Variants in DNAH7 observed in about 807,000 individuals in gnomAD.
DNAH7 encodes the protein dynein axonemal heavy chain 7, also known as axonemal beta dynein heavy chain 7.
In DNAH7, 397 loss-of-function variants were observed where a neutral mutation model predicts 444.6. The ratio of observed to expected loss-of-function variants is 0.89; its 90% CI spans 0.82 to 0.97. DNAH7 has a LOEUF of 0.97. DNAH7 is among the 50% of genes least tolerant of loss of function. The probability of loss-of-function intolerance (pLI) is 0.00; values close to 1 mark genes in which losing one functional copy is unlikely to be tolerated. For synonymous variants in DNAH7, 1,636 were observed against 1,624.4 expected, an observed-to-expected ratio of 1.01 and a Z score of -0.17; for missense variants, 4,902 against 4,800.8, an observed-to-expected ratio of 1.02 and a Z score of -0.62.
At chr2:195,813,935 A>C (rs1264007884) in intron 51 of DNAH7, among the ~76,000 whole-genome samples, 1 of 152,232 alleles carries the variant, frequency 6.6e-6, no homozygotes, top group Non-Finnish European at 1.5e-5. Flanking sequence ...CGTTGAGTGC[A>C]AGATATCAGA....
chr2:195,982,644 T>C (rs138615928), intron 15 of DNAH7, among the ~76,000 whole-genome samples: 3 of 152,296 alleles, frequency 2.0e-5, no homozygotes, highest in African/African-American at 4.8e-5. Context: ...TATTCAGTTA[T>C]AAAAAAGAAT....
intron 8 of DNAH7, among the ~76,000 whole-genome samples, chr2:196,022,524 T>G (rs964353901): frequency 6.6e-6 from 1 of 152,222 alleles, no homozygotes; most frequent in Non-Finnish European, 1.5e-5. Flanking sequence ...GAAACCACTG[T>G]TTTTGCTCAT....
At chr2:196,052,661 G>A (rs1320564889) in intron 2 of DNAH7, among the ~76,000 whole-genome samples, 1 of 152,188 alleles carries the variant, frequency 6.6e-6, no homozygotes, top group African/African-American at 2.4e-5. Context: ...AAAGCACACA[G>A]TCCAGTTAAT....
At chr2:196,025,781 T>A (rs1695647205) in intron 7 of DNAH7, among the ~76,000 whole-genome samples, 1 of 152,132 alleles carries the variant, frequency 6.6e-6, no homozygotes, top group Admixed American at 6.6e-5. Flanking sequence ...TATTTTTATA[T>A]CACCAGGATA....
intron 24 of DNAH7, among the ~76,000 whole-genome samples, chr2:195,910,887 T>C (rs341955): frequency 1 from 152,296 of 152,346 alleles, 76,123 homozygotes; most frequent in Non-Finnish European, 1. Context: ...TTGTATCATT[T>C]GTGCAGGGAA....
Position 195,857,407 on chromosome 2 carries a change from T to A in DNAH7, c.8384A>T (p.Lys2795Ile). ...NASTAAEGLC[K>I]WVIAMDSYDK... ...ATATGAATCCATTGCTATGACCCAT[T>A]TGCACAGACCTTCGGCCGCTGTAGA... is the stretch of plus-strand genomic sequence containing the variant. Residue 2795 changes from lysine (K) to isoleucine (I), a missense_variant, in exon 44 of 65, where the codon AAA (lysine) becomes ATA (isoleucine). By Grantham distance (102) the Lys-to-Ile change is moderately radical (BLOSUM62 -3). Coordinates refer to ENST00000312428, the MANE Select transcript of DNAH7 (RefSeq NM_018897.3). 6.2e-7 allele frequency: 1 copy of A among 1,602,938 alleles called. No homozygotes were observed. The highest frequency in any genetic ancestry group is 8.5e-7 in the Non-Finnish European group (1 of 1,175,984).
intron 49 of DNAH7, among the ~76,000 whole-genome samples, chr2:195,821,640 AG>A (rs957723470): frequency 5.5e-4 from 84 of 152,322 alleles, no homozygotes; most frequent in African/African-American, 2.0e-3. Flanking sequence ...ACCGAAGAGC[AG>A]AACGTATGGT....
rs1281143069 is a variant in DNAH7 at position 196,033,914 on chromosome 2, T to C, written c.399-5867A>G. On this transcript the variant is annotated intron_variant, in intron 5 of 64. Transcript: ENST00000312428. ...CTAATTTACATTCTCATCAACACTGTACAAAGGTTCCTTTTCTCCACAAAG... is the reference window on the plus strand; with the variant it reads ...CTAATTTACATTCTCATCAACACTGCACAAAGGTTCCTTTTCTCCACAAAG... 1.3e-5 allele frequency among the ~76,000 whole-genome samples: 2 copies of C among 152,220 alleles called. 1 individual carries two copies. The highest frequency in any genetic ancestry group is 4.8e-5 in the African/African-American group (2 of 41,458).
rs1337800716 is a variant in DNAH7, at chr2:195,871,804, G to A, written c.6633+446C>T. 2.5e-4 allele frequency among the ~76,000 whole-genome samples: 23 copies of A among 91,738 alleles called. 8 individuals carry two copies. The highest frequency in any genetic ancestry group is 1.7e-3 in the African/African-American group (17 of 9,764). The allele number at this position is 91,738 out of a possible 152,430, so 60.2% of individuals were successfully genotyped here. On this transcript the variant is annotated intron_variant, in intron 40 of 64. Transcript: ENST00000312428. ...AAATTAGCCGGGCGTAGTGGCGGGCGCCTGTAGTCCCAGCTACTTGGGAGG... is the reference window on the plus strand; with the variant it reads ...AAATTAGCCGGGCGTAGTGGCGGGCACCTGTAGTCCCAGCTACTTGGGAGG...
intron 48 of DNAH7, among the ~76,000 whole-genome samples, chr2:195,831,144 A>G (rs1200777769): frequency 6.6e-6 from 1 of 152,230 alleles, no homozygotes; most frequent in East Asian, 1.9e-4. Flanking sequence ...TCATTAAAAT[A>G]TCTTCTCTAC....
intron 15 of DNAH7, among the ~76,000 whole-genome samples, chr2:195,976,042 G>A (rs1256186503): frequency 6.6e-6 from 1 of 152,216 alleles, no homozygotes; most frequent in Non-Finnish European, 1.5e-5. Flanking sequence ...GCAGAGGGAA[G>A]AGTAAAGAGG....
rs1491331596 is a variant in DNAH7 at position 195,852,890 on chromosome 2, GTA to G, written c.8781+451_8781+452del. On this transcript the variant is annotated intron_variant, in intron 46 of 64. Coordinates refer to ENST00000312428, the MANE Select transcript of DNAH7 (RefSeq NM_018897.3). ...AGACTGATAGGAAACAGCTGATGAA[GTA>G]CACACACACACACACACACACACAG... 1.1e-4 allele frequency among the ~76,000 whole-genome samples: 12 copies of G among 113,930 alleles called. 1 individual carries two copies. In the East Asian group the frequency reaches 1.4e-3, roughly 14 times the overall value. The allele number at this position is 113,930 out of a possible 152,430, so 74.7% of individuals were successfully genotyped here. A position where few individuals can be genotyped will look rare whatever the true frequency, so the allele number is the denominator to read the frequency against.
intron 19 of DNAH7, among the ~76,000 whole-genome samples, chr2:195,952,667 TATTTC>T (rs1442860102): frequency 6.6e-6 from 1 of 152,210 alleles, no homozygotes; most frequent in Non-Finnish European, 1.5e-5. Flanking sequence ...CTTCATGCTT[TATTTC>T]ATTAAGTTGC....
intron 61 of DNAH7, among the ~76,000 whole-genome samples, chr2:195,769,411 C>A (rs1261646072): frequency 6.6e-6 from 1 of 151,692 alleles, no homozygotes; most frequent in Non-Finnish European, 1.5e-5. Context: ...TCTCATTAAC[C>A]CCTCTGCTGA....
Position 195,934,751 on chromosome 2 carries a change from G to C in DNAH7, c.3311C>G (p.Ala1104Gly). The change falls in exon 21 of 65, where the codon GCA becomes GGA. Residue 1104 changes from alanine to glycine, a missense_variant. Physicochemically the swap from Ala to Gly is moderately conservative, Grantham distance 60. Coordinates refer to ENST00000312428, the MANE Select transcript of DNAH7 (RefSeq NM_018897.3). The stretch of plus-strand genomic sequence containing the variant: ...TAAAGTTTCCGTAAATTCTACCTTT[G>C]CGATTCCTTCAAAACATTTCTTCAA... ...PHLKKCFEGI[A>G]KVEFTETLDI... 6.2e-7 allele frequency: 1 copy of C among 1,614,048 alleles called. No individual in the cohort carries two copies. Among genetic ancestry groups the C allele is most frequent in the Non-Finnish European group, 8.5e-7 (1 of 1,179,980 alleles).
intron 58 of DNAH7, among the ~76,000 whole-genome samples, chr2:195,778,328 T>G (rs977546232): frequency 6.6e-6 from 1 of 151,846 alleles, no homozygotes; most frequent in South Asian, 2.1e-4. Context: ...CTGAGTGACA[T>G]GCAAAGCAGA....
At chr2:195,834,408 TAC>T (rs1283865112) in intron 47 of DNAH7, 48 bp from the exon 48 acceptor site, 1 of 1,551,178 alleles carries the variant, frequency 6.4e-7, no homozygotes, top group East Asian at 2.3e-5. Context: ...GATTTGTTTC[TAC>T]ACTACTTAAT....
chr2:195,775,199 G>C (rs1042042809), intron 60 of DNAH7, among the ~76,000 whole-genome samples: 3 of 152,110 alleles, frequency 2.0e-5, no homozygotes, highest in Admixed American at 6.5e-5. Context: ...CTGTGCTCAC[G>C]GCAGCTAAAT....
chr2:195,866,030 G>A (rs565127277), intron 40 of DNAH7, among the ~76,000 whole-genome samples: 1 of 152,272 alleles, frequency 6.6e-6, no homozygotes, highest in Non-Finnish European at 1.5e-5. Flanking sequence ...TTTTGTTAAT[G>A]GCCAACTAAT....
Sources: allele counts gnomAD v4.1 joint callset (sites outside exome capture counted in the v4.1 genomes callset), GRCh38; gene constraint gnomAD v4.1.1; transcripts MANE v1.5; gene names NCBI Gene and HGNC (gene_info 2026-07-23, HGNC 2026-07-21).